DIAPH3: variants seen among roughly 807,000 people sequenced by gnomAD.
DIAPH3 encodes diaphanous related formin 3, also known as protein diaphanous homolog 3.
DIAPH3 carries 117 observed loss-of-function variants against 144.3 expected under a neutral mutation model. The ratio of observed to expected loss-of-function variants is 0.81; its 90% confidence interval spans 0.70 to 0.95. The LOEUF (loss-of-function observed/expected upper bound fraction) is 0.95. Among genes scored for constraint, DIAPH3 ranks in the 40% least tolerant of loss-of-function variants. DIAPH3 has a pLI of 0.00. For missense variants in DIAPH3, 1,421 were observed against 1,412.7 expected, an observed-to-expected ratio of 1.01 and a Z score of -0.09; for synonymous variants, 519 against 488.9, an observed-to-expected ratio of 1.06 and a Z score of -0.81.
At chr13:60,054,299 G>T (rs566692818) in intron 4 of DIAPH3, among the ~76,000 whole-genome samples, 2 of 151,922 alleles carry the variant, frequency 1.3e-5, no homozygotes, top group South Asian at 2.1e-4. Flanking sequence ...TTTAAGTGAA[G>T]TTAGTTACTA....
intron 27 of DIAPH3, among the ~76,000 whole-genome samples, chr13:59,710,254 A>AAG: frequency 8.8e-6 from 1 of 113,602 alleles, no homozygotes. Context: ...ATAATAATAA[A>AAG]TAACAAAAAA....
At chr13:60,085,840 T>C (rs1172839593) in intron 4 of DIAPH3, among the ~76,000 whole-genome samples, 6 of 152,168 alleles carry the variant, frequency 3.9e-5, no homozygotes, top group Non-Finnish European at 8.8e-5. Flanking sequence ...ATGGTAAGTT[T>C]TTAATTATAT....
intron 27 of DIAPH3, among the ~76,000 whole-genome samples, chr13:59,708,748 C>A (rs1464240168): frequency 6.6e-6 from 1 of 152,106 alleles, no homozygotes; most frequent in African/African-American, 2.4e-5. Context: ...TACTGGCAAT[C>A]CCCCAATTTA....
At position 59,770,800 on chromosome 13, in the gene DIAPH3, T is replaced by A. The variant is rs367993533; in HGVS notation, c.3319+3389A>T. 7.9e-5 allele frequency among the ~76,000 whole-genome samples: 12 copies of A among 152,282 alleles called. No homozygotes were observed. The East Asian group carries it at 1.9e-3, about 25-fold the overall frequency. ...TTACCAAAAGTAGGGCAATTATTAC[T>A]AGTCTGTCTTTCAACTAGATGGTGC... On this transcript the variant is annotated intron_variant, in intron 27 of 27. Coordinates refer to ENST00000400324, the MANE Select transcript of DIAPH3 (RefSeq NM_001042517.2).
At chr13:59,932,217 T>C (rs1455343560) in intron 17 of DIAPH3, among the ~76,000 whole-genome samples, 1 of 152,184 alleles carries the variant, frequency 6.6e-6, no homozygotes, top group African/African-American at 2.4e-5. Context: ...TCATTATCAG[T>C]ATCCTTTTAC....
intron 17 of DIAPH3, among the ~76,000 whole-genome samples, chr13:59,933,254 C>A (rs1490161454): frequency 1.3e-5 from 2 of 152,204 alleles, no homozygotes; most frequent in African/African-American, 2.4e-5. Context: ...TCCCAGCCTG[C>A]CACATGCTAG....
intron 25 of DIAPH3, among the ~76,000 whole-genome samples, chr13:59,775,177 C>T (rs926351065): frequency 2.0e-5 from 3 of 152,134 alleles, no homozygotes; most frequent in African/African-American, 7.2e-5. Flanking sequence ...TAGAGATGAG[C>T]TATTTTCAAG....
At chr13:59,688,411 G>A (rs1454226323) in intron 27 of DIAPH3, among the ~76,000 whole-genome samples, 2 of 151,768 alleles carry the variant, frequency 1.3e-5, no homozygotes, top group African/African-American at 2.4e-5. Flanking sequence ...AACTGAAAAG[G>A]TCAAAAAGTG....
chr13:60,146,704 C>T (rs1951539621), intron 1 of DIAPH3, among the ~76,000 whole-genome samples: 1 of 152,126 alleles, frequency 6.6e-6, no homozygotes, highest in Admixed American at 6.5e-5. Flanking sequence ...TCCAACAATG[C>T]CAAAGGAGAC....
intron 9 of DIAPH3, among the ~76,000 whole-genome samples, chr13:60,000,885 T>A (rs1198780878): frequency 6.6e-6 from 1 of 152,170 alleles, no homozygotes; most frequent in Admixed American, 6.5e-5. Context: ...TTCATTCCAT[T>A]CAATCTACAT....
chr13:60,030,336 A>G (rs2054698133), intron 5 of DIAPH3, among the ~76,000 whole-genome samples: 1 of 152,040 alleles, frequency 6.6e-6, no homozygotes, highest in Admixed American at 6.6e-5. Context: ...GGAACTTAAG[A>G]GCTTTATTCT....
intron 22 of DIAPH3, among the ~76,000 whole-genome samples, chr13:59,853,502 C>G (rs2043095343): frequency 3.3e-5 from 5 of 152,094 alleles, no homozygotes. Flanking sequence ...CAGCACCTCT[C>G]CCTGCACTCT....
chr13:59,810,419 T>G (rs2040415119), intron 25 of DIAPH3, among the ~76,000 whole-genome samples: 1 of 152,224 alleles, frequency 6.6e-6, no homozygotes, highest in African/African-American at 2.4e-5. Context: ...GATATTTTGT[T>G]GAAGAAACCG....
intron 9 of DIAPH3, among the ~76,000 whole-genome samples, chr13:60,005,727 C>A (rs1316667192): frequency 6.6e-6 from 1 of 152,052 alleles, no homozygotes; most frequent in Non-Finnish European, 1.5e-5. Context: ...ATGATCTGCC[C>A]GCCTTGGCCT....
At chr13:59,671,318 T>C (rs1355477157) in intron 27 of DIAPH3, among the ~76,000 whole-genome samples, 3 of 152,182 alleles carry the variant, frequency 2.0e-5, no homozygotes, top group Admixed American at 1.3e-4. Context: ...CTAGGACATA[T>C]GGACTCAATG....
At chr13:59,805,709 C>T (rs144010583) in intron 25 of DIAPH3, among the ~76,000 whole-genome samples, 1,522 of 151,820 alleles carry the variant, frequency 0.01, 11 homozygotes, top group South Asian at 0.032. Flanking sequence ...AAAACAAAAA[C>T]GAAAAACATC....
intron 27 of DIAPH3, among the ~76,000 whole-genome samples, chr13:59,734,759 GCT>G (rs2036056358): frequency 6.6e-6 from 1 of 152,148 alleles, no homozygotes; most frequent in Non-Finnish European, 1.5e-5. Context: ...GGTGCAGGCG[GCT>G]CTCTTCAGTC....
intron 22 of DIAPH3, among the ~76,000 whole-genome samples, chr13:59,846,933 G>C (rs998344937): frequency 6.6e-6 from 1 of 152,098 alleles, no homozygotes; most frequent in Non-Finnish European, 1.5e-5. Context: ...AAAAAGATTA[G>C]CCAGGGGTAG....
intron 4 of DIAPH3, among the ~76,000 whole-genome samples, chr13:60,087,686 T>C (rs2057793883): frequency 6.6e-6 from 1 of 151,890 alleles, no homozygotes. Flanking sequence ...GAATAGCCCT[T>C]ACATTCAGTT....
Sources: gnomAD v4.1 joint callset for allele counts (sites outside exome capture counted in the v4.1 genomes callset) on GRCh38, gnomAD v4.1.1 for gene constraint, MANE v1.5 for transcripts, NCBI Gene and HGNC (gene_info 2026-07-23, HGNC 2026-07-21) for gene names.